TNS4: variants seen among roughly 807,000 people sequenced by gnomAD.
TNS4 encodes tensin-4.
A neutral mutation model predicts 70.4 loss-of-function variants in TNS4; 46 were observed. That is an observed-to-expected ratio of 0.65 (90% CI 0.52 to 0.84). TNS4 has a LOEUF of 0.84. Ranked by LOEUF, TNS4 falls within the 40% of genes least tolerant of loss-of-function variation. The pLI is 0.00. For synonymous variants in TNS4, 390 were observed against 366.6 expected, an observed-to-expected ratio of 1.06 and a Z score of -0.73; for missense variants, 863 against 907.0, an observed-to-expected ratio of 0.95 and a Z score of 0.62.
intron 1 of TNS4, among the ~76,000 whole-genome samples, chr17:40,497,202 AG>A (rs2036157153): frequency 6.6e-6 from 1 of 152,230 alleles, no homozygotes; most frequent in African/African-American, 2.4e-5. Context: ...TGGGGAGGTT[AG>A]GGAGGTCTTC....
intron 11 of TNS4, 96 bp from the exon 12 acceptor site, chr17:40,478,429 C>T (rs775916532): frequency 2.1e-5 from 33 of 1,535,310 alleles, no homozygotes; most frequent in Non-Finnish European, 2.8e-5. Context: ...GTCCCCACCC[C>T]ACCATGCCCC....
intron 9 of TNS4, among the ~76,000 whole-genome samples, chr17:40,480,249 G>C (rs781489840): frequency 7.9e-5 from 12 of 152,196 alleles, no homozygotes; most frequent in Admixed American, 1.3e-4. Flanking sequence ...TCAGGGCATA[G>C]AGCAGGAACA....
At chr17:40,491,541 G>A (rs1402672153) in intron 2 of TNS4, among the ~76,000 whole-genome samples, 2 of 152,224 alleles carry the variant, frequency 1.3e-5, no homozygotes, top group African/African-American at 4.8e-5. Context: ...GCCTTGCCCT[G>A]TGAGAAGGTG....
chr17:40,492,887 A>C (rs1249820339), intron 2 of TNS4, among the ~76,000 whole-genome samples: 1 of 151,978 alleles, frequency 6.6e-6, no homozygotes, highest in Non-Finnish European at 1.5e-5. Context: ...TCTACTAAAA[A>C]TACAAAAAAA....
At chr17:40,481,997 A>T in intron 8 of TNS4, 132 bp downstream of exon 8, 1 of 993,280 alleles carries the variant, frequency 1.0e-6, no homozygotes, top group Non-Finnish European at 1.5e-6. Context: ...GGAGATGTTG[A>T]GCGACTCCAG....
chr17:40,486,900 G>A, intron 4 of TNS4, 136 bp downstream of exon 4: 1 of 1,155,766 alleles, frequency 8.7e-7, no homozygotes, highest in Non-Finnish European at 1.3e-6. Context: ...CCCTCTGTGT[G>A]TCCTCACTAC....
chr17:40,486,145 G>C (rs934028175), intron 4 of TNS4, among the ~76,000 whole-genome samples: 3 of 152,220 alleles, frequency 2.0e-5, no homozygotes, highest in Non-Finnish European at 2.9e-5. Flanking sequence ...TAGCTTCTGG[G>C]TTTACTGCTT....
intron 1 of TNS4, among the ~76,000 whole-genome samples, chr17:40,500,806 C>T (rs2036204423): frequency 6.6e-6 from 1 of 152,146 alleles, no homozygotes; most frequent in Non-Finnish European, 1.5e-5. Context: ...TCCCTCCCAC[C>T]CAGACCCGGT....
intron 9 of TNS4, among the ~76,000 whole-genome samples, chr17:40,480,234 C>T (rs1293834270): frequency 2.0e-5 from 3 of 152,184 alleles, no homozygotes; most frequent in African/African-American, 4.8e-5. Flanking sequence ...GGAAATTGTT[C>T]GTGCTCAGGG....
intron 10 of TNS4, 46 bp from the exon 11 acceptor site, chr17:40,478,694 A>C: frequency 6.3e-7 from 1 of 1,593,442 alleles, no homozygotes; most frequent in South Asian, 1.1e-5. Flanking sequence ...AGCCTGTCCC[A>C]GTGTCATCCT....
chr17:40,486,470 C>T (rs2035990385), intron 4 of TNS4, among the ~76,000 whole-genome samples: 1 of 152,100 alleles, frequency 6.6e-6, no homozygotes, highest in African/African-American at 2.4e-5. Flanking sequence ...ACCTCTGACC[C>T]CATCACTCTC....
rs1358491778 is a variant in TNS4 at position 40,478,334 on chromosome 17, C to G, written c.1980-1G>C. ...GGAGGGTTTGCAGTACTTCTGCCAC[C>G]TGTAGGAAAAGAACATGATACCGAG... On this transcript the variant is annotated splice_acceptor_variant, in intron 11 of 12. Coordinates refer to ENST00000254051, the MANE Select transcript of TNS4 (RefSeq NM_032865.6). LOFTEE classifies it high-confidence loss of function. The G allele has an allele frequency of 6.2e-7, 1 of 1,609,636 alleles. No individual in the cohort carries two copies. The highest frequency in any genetic ancestry group is 1.3e-5 in the African/African-American group (1 of 74,646).
intron 8 of TNS4, among the ~76,000 whole-genome samples, chr17:40,481,150 C>A (rs1047139413): frequency 6.6e-6 from 1 of 152,060 alleles, no homozygotes; most frequent in Non-Finnish European, 1.5e-5. Context: ...CCTTGATGCC[C>A]TTCCAGAAAC....
chr17:40,492,790 A>G (rs2036091818), intron 2 of TNS4, among the ~76,000 whole-genome samples: 1 of 151,982 alleles, frequency 6.6e-6, no homozygotes, highest in Non-Finnish European at 1.5e-5. Context: ...TAATCCCAGC[A>G]CTTTGGGAGG....
rs781651232 is a variant in TNS4 at position 40,487,383 on chromosome 17, G to A, written c.941C>T (p.Ser314Phe). 17 of 1,614,064 alleles carry A rather than the reference G, an allele frequency of 1.1e-5. No homozygotes were observed. The highest frequency in any genetic ancestry group is 1.0e-5 in the Non-Finnish European group (12 of 1,180,036). ...TGAGCCAAGGCTGTGGAGGCTGGAG[G>A]AAGAGTTGGCTGGACTTTCCAAGGA... is the stretch of plus-strand genomic sequence containing the variant. ...SRSLESPANS[S>F]SSLHSLGSVS... The change falls in exon 4 of 13, where the codon TCC (serine) becomes TTC (phenylalanine). Residue 314 changes from serine to phenylalanine, a missense_variant. Transcript: ENST00000254051.
intron 4 of TNS4, among the ~76,000 whole-genome samples, chr17:40,485,588 T>C (rs537026342): frequency 2.1e-4 from 32 of 152,360 alleles, no homozygotes; most frequent in African/African-American, 6.3e-4. Context: ...GGGTCTTTAA[T>C]GTTCTAGTAG....
At position 40,482,356 on chromosome 17, in the gene TNS4, T is replaced by A. The variant is rs778830812; in HGVS notation, c.1562A>T (p.His521Leu). 3 of 1,614,014 alleles carry A rather than the reference T, an allele frequency of 1.9e-6. No individual in the cohort carries two copies. The highest frequency in any genetic ancestry group is 2.5e-6 in the Non-Finnish European group (3 of 1,180,030). ...GGGCTCCTCATCTGCTCCTTTGAGATGCACTCCTTTGGCAGACGACTCGAT... is the reference window on the plus strand; with the variant it reads ...GGGCTCCTCATCTGCTCCTTTGAGAAGCACTCCTTTGGCAGACGACTCGAT... Reference protein sequence around the residue: ...FLIESSAKGVHLKGADEEPYF... With the variant: ...FLIESSAKGVLLKGADEEPYF... The change falls in exon 7 of 13, where the codon CAT (histidine) becomes CTT (leucine). Residue 521 changes from histidine (H) to leucine (L), a missense_variant. Coordinates refer to ENST00000254051, the MANE Select transcript of TNS4 (RefSeq NM_032865.6).
intron 2 of TNS4, among the ~76,000 whole-genome samples, chr17:40,489,346 A>T (rs940622318): frequency 3.9e-5 from 6 of 152,290 alleles, no homozygotes; most frequent in African/African-American, 1.2e-4. Context: ...AAAAGGATGA[A>T]GTGAAACTCA....
At chr17:40,489,453 C>T (rs2036037826) in intron 2 of TNS4, among the ~76,000 whole-genome samples, 2 of 152,070 alleles carry the variant, frequency 1.3e-5, no homozygotes, top group African/African-American at 2.4e-5. Flanking sequence ...TTGAAATGGC[C>T]ACTTGATGGG....
Sources: allele counts gnomAD v4.1 joint callset (sites outside exome capture counted in the v4.1 genomes callset), GRCh38; gene constraint gnomAD v4.1.1; transcripts MANE v1.5; gene names NCBI Gene and HGNC (gene_info 2026-07-23, HGNC 2026-07-21).